The following PHACTR4 variants were observed in gnomAD, a reference collection of about 807,000 sequenced individuals.
The protein encoded by PHACTR4 is protein phosphatase 1, regulatory subunit 124.
In PHACTR4, 51 loss-of-function variants were observed where a neutral mutation model predicts 72.7. The ratio of observed to expected loss-of-function variants is 0.70; its 90% CI spans 0.56 to 0.89. The LOEUF is 0.89. Among genes scored for constraint, PHACTR4 ranks in the 40% least tolerant of loss-of-function variants. The pLI is 0.00. For missense variants in PHACTR4, 731 were observed against 861.8 expected (o/e 0.85, Z 1.90); for synonymous variants, 255 against 302.5 (o/e 0.84, Z 1.63).
chr1:28,418,677 T>C (rs1655283062), intron 2 of PHACTR4, among the ~76,000 whole-genome samples: 1 of 151,882 alleles, frequency 6.6e-6, no homozygotes, highest in Non-Finnish European at 1.5e-5. Context: ...TAAGGCCAGG[T>C]GCAATGGCTC....
At chr1:28,386,612 G>T (rs1652576976) in intron 1 of PHACTR4, among the ~76,000 whole-genome samples, 1 of 152,018 alleles carries the variant, frequency 6.6e-6, no homozygotes, top group African/African-American at 2.4e-5. Flanking sequence ...CCTATGTTGG[G>T]TATATATATG....
At chr1:28,450,974 C>CCTTTTTTTTTTTTTTTTTTTTT (rs1657914151) in intron 2 of PHACTR4, among the ~76,000 whole-genome samples, 1 of 72,076 alleles carries the variant, frequency 1.4e-5, no homozygotes, top group Admixed American at 1.5e-4. Flanking sequence ...CCACACCCAG[C>CCTTTTTTTTTTTTTTTTTTTTT]TTTTTTTTTT....
Position 28,378,571 on chromosome 1 carries a change from C to T in PHACTR4, c.-39+8746C>T, listed in dbSNP as rs887593170. Among the ~76,000 whole-genome samples, 9 of 81,348 alleles carry T rather than the reference C, an allele frequency of 1.1e-4. No homozygotes were observed. The East Asian group carries it at 1.8e-3, about 16-fold the overall frequency. 53.4% of individuals were successfully genotyped at this position (81,348 alleles called of 152,430 possible). ...TTCTTTCTTTCTTTCTCCCCCCAGC[C>T]CCCCCCCCCTTTTTTTTTAACAACC... On this transcript the variant is annotated intron_variant, in intron 1 of 13. Coordinates refer to ENST00000373839, the MANE Select transcript of PHACTR4 (RefSeq NM_001048183.3).
At chr1:28,448,070 A>G (rs1400187068) in intron 2 of PHACTR4, among the ~76,000 whole-genome samples, 6 of 152,330 alleles carry the variant, frequency 3.9e-5, no homozygotes, top group Non-Finnish European at 5.9e-5. Flanking sequence ...TACGTTTACA[A>G]TGTTCTGATA....
intron 1 of PHACTR4, among the ~76,000 whole-genome samples, chr1:28,388,136 G>A (rs1172505039): frequency 6.6e-6 from 1 of 151,962 alleles, no homozygotes; most frequent in African/African-American, 2.4e-5. Flanking sequence ...GATGCAGTAA[G>A]CTGTGATGGT....
intron 2 of PHACTR4, among the ~76,000 whole-genome samples, chr1:28,458,097 GGTGTGTGTGTTTGT>G (rs1213610208): frequency 0.015 from 2,047 of 135,282 alleles, 53 homozygotes; most frequent in African/African-American, 0.048. Flanking sequence ...TTAATATTAT[GGTGTGTGTGTTTGT>G]GTGTGTGTGT....
chr1:28,453,945 G>A (rs989238558), intron 2 of PHACTR4: 3 of 642,592 alleles, frequency 4.7e-6, no homozygotes, highest in Non-Finnish European at 5.6e-6. Context: ...GCCAGGCACG[G>A]TGGCACACGC....
In PHACTR4 at chr1:28,490,981, A is replaced by G; in HGVS notation, c.1847A>G (p.Lys616Arg). ...PKNEADRQAE[K>R]REIKRRLTRK... is the part of the protein sequence containing the mutation. Reference sequence around the variant, plus strand: ...AATGAAGCTGATCGTCAGGCAGAAAAACGAGAAATTAAACGTCGGCTCACT... The same window carrying G: ...AATGAAGCTGATCGTCAGGCAGAAAGACGAGAAATTAAACGTCGGCTCACT... The change falls in exon 11 of 14, where the codon AAA becomes AGA. Residue 616 changes from lysine to arginine, a missense_variant. Lys to Arg is a conservative substitution (Grantham distance 26). Around this residue, in one of 2 missense-constraint regions of PHACTR4, gnomAD observed 110 missense variants for 185.2 expected, o/e 0.59. Coordinates refer to ENST00000373839, the MANE Select transcript of PHACTR4 (RefSeq NM_001048183.3). 6.2e-7 allele frequency: 1 copy of G among 1,614,142 alleles called. No homozygotes were observed.
chr1:28,373,030 C>T (rs554995377), intron 1 of PHACTR4, among the ~76,000 whole-genome samples: 1 of 151,740 alleles, frequency 6.6e-6, no homozygotes, highest in Non-Finnish European at 1.5e-5. Context: ...TGATCATGGC[C>T]CACTGTAGCC....
chr1:28,488,007 G>A (rs1295682642), intron 9 of PHACTR4, among the ~76,000 whole-genome samples: 1 of 151,582 alleles, frequency 6.6e-6, no homozygotes, highest in Non-Finnish European at 1.5e-5. Flanking sequence ...AAAGTGCTGG[G>A]GATTACATGC....
chr1:28,451,490 C>T (rs1031343112), intron 2 of PHACTR4, among the ~76,000 whole-genome samples: 14 of 149,204 alleles, frequency 9.4e-5, no homozygotes, highest in Non-Finnish European at 1.3e-4. Context: ...ACAATACAGC[C>T]TCAACTCCTA....
intron 2 of PHACTR4, among the ~76,000 whole-genome samples, chr1:28,455,395 C>T (rs1658317428): frequency 6.7e-6 from 1 of 148,688 alleles, no homozygotes; most frequent in African/African-American, 2.5e-5. Context: ...CGAGGTTTCA[C>T]CATGTTGGCT....
Position 28,432,372 on chromosome 1 carries a change from T to TC in PHACTR4, c.16+24909_16+24910insC, listed in dbSNP as rs1043255704. Among the ~76,000 whole-genome samples the TC allele has an allele frequency of 6.2e-4, 37 of 59,850 alleles. 1 individual carries two copies. The South Asian group carries it at 7.4e-3, about 12-fold the overall frequency. 39.3% of individuals were successfully genotyped at this position (59,850 alleles called of 152,430 possible). A position where few individuals can be genotyped will look rare whatever the true frequency, so the allele number is the denominator to read the frequency against. On this transcript the variant is annotated intron_variant, in intron 2 of 13. Coordinates refer to ENST00000373839, the MANE Select transcript of PHACTR4 (RefSeq NM_001048183.3). ...TGAGGCTAGAGGATCTCTCTCTCTCTTTTTTTTTTTTTTTTTGAGTAAAAC... is the reference window on the plus strand; with the variant it reads ...TGAGGCTAGAGGATCTCTCTCTCTCTCTTTTTTTTTTTTTTTTGAGTAAAAC...
chr1:28,417,358 G>A (rs548439456), intron 2 of PHACTR4, among the ~76,000 whole-genome samples: 1 of 152,144 alleles, frequency 6.6e-6, no homozygotes, highest in Non-Finnish European at 1.5e-5. Flanking sequence ...CTGTGATAAA[G>A]TTTGGATTAT....
intron 6 of PHACTR4, 44 bp from the exon 7 acceptor site, chr1:28,473,510 C>A: frequency 2.1e-6 from 3 of 1,450,318 alleles, no homozygotes; most frequent in Non-Finnish European, 2.9e-6. Context: ...CCCTTCAAAG[C>A]ATTGGAAAGT....
chr1:28,381,102 G>T (rs112851796), intron 1 of PHACTR4, among the ~76,000 whole-genome samples: 3 of 150,630 alleles, frequency 2.0e-5, no homozygotes, highest in South Asian at 2.1e-4. Context: ...TCTGCCTCCC[G>T]GGTTCAAGCA....
intron 9 of PHACTR4, among the ~76,000 whole-genome samples, chr1:28,487,727 GTTTTTTTTTT>G (rs780028378): frequency 1.6e-5 from 1 of 63,304 alleles, no homozygotes; most frequent in African/African-American, 5.6e-5. Flanking sequence ...GTTTTTTGTT[GTTTTTTTTTT>G]TTTTTTTTTT....
intron 1 of PHACTR4, among the ~76,000 whole-genome samples, chr1:28,402,141 G>A (rs1208976946): frequency 6.6e-6 from 1 of 152,114 alleles, no homozygotes; most frequent in Admixed American, 6.6e-5. Context: ...ACACCTTGTT[G>A]AACAACTAGA....
At position 28,496,846 on chromosome 1, in the gene PHACTR4, C is replaced by T. The variant is rs1661390458; in HGVS notation, c.*297C>T. 2.0e-6 allele frequency: 1 copy of T among 495,874 alleles called. No individual in the cohort carries two copies. The allele number at this position is 495,874 out of a possible 1,614,324, so 30.7% of individuals were successfully genotyped here. A position where few individuals can be genotyped will look rare whatever the true frequency, so the allele number is the denominator to read the frequency against. On this transcript the variant is annotated 3_prime_UTR_variant, in exon 14 of 14. Coordinates refer to ENST00000373839, the MANE Select transcript of PHACTR4 (RefSeq NM_001048183.3). ...AACCACTTGCAGGTTCCAGGTTTTA[C>T]TGGCTGCACCACACCCCTTCCCCTA...
Sources: allele counts gnomAD v4.1 joint callset (sites outside exome capture counted in the v4.1 genomes callset), GRCh38; gene constraint gnomAD v4.1.1; regional missense constraint gnomAD v4.1.1; transcripts MANE v1.5; gene names NCBI Gene and HGNC (gene_info 2026-07-23, HGNC 2026-07-21).